FNBP1: variants seen among roughly 807,000 people sequenced by gnomAD.
FNBP1 encodes the protein formin-binding protein 1.
Under a neutral mutation model 90.6 loss-of-function variants are expected in FNBP1, and 26 were observed. The ratio of observed to expected loss-of-function variants is 0.29; its 90% CI spans 0.21 to 0.40. FNBP1 has a LOEUF of 0.40. Ranked by LOEUF, FNBP1 falls within the 10% of genes least tolerant of loss-of-function variation. The pLI is 1.00. For synonymous variants in FNBP1, 260 were observed against 265.2 expected, an observed-to-expected ratio of 0.98 and a Z score of 0.19; for missense variants, 635 against 768.0, an observed-to-expected ratio of 0.83 and a Z score of 2.05.
At position 129,978,579 on chromosome 9, in the gene FNBP1, C is replaced by T. The variant is rs774507596; in HGVS notation, c.231G>A (p.Leu77=). 6.2e-7 allele frequency: 1 copy of T among 1,613,766 alleles called. No individual in the cohort carries two copies. The highest frequency in any genetic ancestry group is 8.5e-7 in the Non-Finnish European group (1 of 1,179,846). Residue 77 remains leucine (L), a synonymous_variant, in exon 4 of 17, where the codon CTG becomes CTA. Coordinates refer to ENST00000446176, the MANE Select transcript of FNBP1 (RefSeq NM_015033.3). ...YTSCKAFISN[L]NEMNDYAGQH... The stretch of plus-strand genomic sequence containing the variant: ...GCCCTGCGTAATCATTCATTTCGTT[C>T]AGGTTGGAAATGAAAGCTTTACATG...
chr9:130,030,295 C>T (rs755983017), intron 1 of FNBP1, among the ~76,000 whole-genome samples: 12 of 151,772 alleles, frequency 7.9e-5, no homozygotes, highest in Admixed American at 3.3e-4. Flanking sequence ...ATTAGCTGGG[C>T]GTGGTGGGGC....
chr9:129,891,016 G>A (rs1445035393), intron 16 of FNBP1, among the ~76,000 whole-genome samples: 2 of 152,008 alleles, frequency 1.3e-5, no homozygotes, highest in Non-Finnish European at 2.9e-5. Context: ...TTAGCCTGGC[G>A]TGGTGGCAGG....
intron 16 of FNBP1, chr9:129,895,551 G>A (rs868450861): frequency 8.1e-7 from 1 of 1,231,430 alleles, no homozygotes. Context: ...ACCGCCAAAA[G>A]AAGAAATGTT....
intron 1 of FNBP1, among the ~76,000 whole-genome samples, chr9:130,011,808 G>A (rs1456821196): frequency 6.6e-6 from 1 of 152,150 alleles, no homozygotes; most frequent in African/African-American, 2.4e-5. Context: ...TCATGGATTG[G>A]AAGGCCATAT....
chr9:129,895,753 C>G (rs1254281091), intron 16 of FNBP1, 85 bp downstream of exon 16: 1 of 1,441,458 alleles, frequency 6.9e-7, no homozygotes, highest in African/African-American at 1.4e-5. Flanking sequence ...GAGGAACTGC[C>G]TGTAACAGTC....
chr9:129,915,815 A>G (rs1357753491), intron 11 of FNBP1, 151 bp downstream of exon 11: 2 of 601,966 alleles, frequency 3.3e-6, no homozygotes, highest in Admixed American at 3.2e-5. Flanking sequence ...GTATCCAAGA[A>G]GTCTAATAAG....
upstream of FNBP1, among the ~76,000 whole-genome samples, chr9:130,045,641 T>G (rs2132508261): frequency 6.6e-6 from 1 of 152,298 alleles, no homozygotes; most frequent in South Asian, 2.1e-4. Flanking sequence ...ACTCTATGGA[T>G]GTGAGTTAAT....
intron 1 of FNBP1, chr9:130,013,836 T>C: frequency 4.5e-6 from 2 of 439,890 alleles, no homozygotes; most frequent in Non-Finnish European, 9.1e-6. Flanking sequence ...AGTGGGCTTG[T>C]TACAAAAGGG....
chr9:130,014,900 G>A (rs1403889358), intron 1 of FNBP1, among the ~76,000 whole-genome samples: 2 of 150,876 alleles, frequency 1.3e-5, no homozygotes, highest in African/African-American at 4.9e-5. Flanking sequence ...TCAGAAAATG[G>A]GCATCATTTA....
At chr9:129,895,785 T>A in intron 16 of FNBP1, 53 bp downstream of exon 16, 3 of 1,477,260 alleles carry the variant, frequency 2.0e-6, no homozygotes, top group Non-Finnish European at 2.7e-6. Context: ...GAGAAACAAC[T>A]CCATTTTTTT....
intron 4 of FNBP1, among the ~76,000 whole-genome samples, chr9:129,975,603 A>T (rs977757682): frequency 3.3e-5 from 5 of 152,066 alleles, no homozygotes; most frequent in African/African-American, 1.2e-4. Context: ...CTTGACCATA[A>T]CACAGCAAAG....
chr9:129,941,437 GAAC>G (rs559416802), intron 6 of FNBP1, among the ~76,000 whole-genome samples: 33 of 152,164 alleles, frequency 2.2e-4, no homozygotes, highest in Middle Eastern at 3.4e-3. Context: ...AAATTCCCAA[GAAC>G]AACTGACAAT....
chr9:129,921,307 C>A (rs2041050062), intron 10 of FNBP1, among the ~76,000 whole-genome samples: 1 of 151,292 alleles, frequency 6.6e-6, no homozygotes, highest in African/African-American at 2.4e-5. Flanking sequence ...ACTCTGTTGC[C>A]CTGGCTGGGC....
chr9:129,925,237 T>C, intron 8 of FNBP1, 80 bp from the exon 9 acceptor site: 1 of 1,163,062 alleles, frequency 8.6e-7, no homozygotes, highest in Non-Finnish European at 1.3e-6. Context: ...CCAGGTGCGG[T>C]GGCTCATGCC....
rs60640596 is a variant in FNBP1 at position 129,958,985 on chromosome 9, C to CAAAAAAAA, written c.346-440_346-433dup. Among the ~76,000 whole-genome samples, 50 of 9,154 alleles carry CAAAAAAAA rather than the reference C, an allele frequency of 5.5e-3. 8 individuals are homozygous for CAAAAAAAA. The highest frequency in any genetic ancestry group is 0.022 in the South Asian group (2 of 90). The allele number at this position is 9,154 out of a possible 152,430, so 6.0% of individuals were successfully genotyped here. On this transcript the variant is annotated intron_variant, in intron 4 of 16. Coordinates refer to ENST00000446176, the MANE Select transcript of FNBP1 (RefSeq NM_015033.3). ...TGGATGACACAGTGAAACTCTGCCT[C>CAAAAAAAA]AAAAAAAAAAAAAAAAAAAAAAGGA... is the stretch of plus-strand genomic sequence containing the variant.
At chr9:129,953,347 C>T (rs527996259) in intron 6 of FNBP1, among the ~76,000 whole-genome samples, 23 of 152,026 alleles carry the variant, frequency 1.5e-4, no homozygotes, top group African/African-American at 3.4e-4. Context: ...AAAAATTATC[C>T]GGGCGTGGTG....
At chr9:129,961,607 G>A (rs549938500) in intron 4 of FNBP1, among the ~76,000 whole-genome samples, 1 of 152,118 alleles carries the variant, frequency 6.6e-6, no homozygotes, top group Admixed American at 6.6e-5. Flanking sequence ...TTGTTCCGTT[G>A]CCCAGGCTGG....
At position 129,978,465 on chromosome 9, in the gene FNBP1, T is replaced by C; in HGVS notation, c.345A>G (p.Ser115=). The C allele has an allele frequency of 1.9e-6, 3 of 1,613,074 alleles. No individual in the cohort carries two copies. The highest frequency in any genetic ancestry group is 2.5e-6 in the Non-Finnish European group (3 of 1,179,280). The part of the protein sequence containing the change: ...YVQELKQERK[S]NFHDGRKAQQ... ...AGAAAAAGAATAAAGTTTTGCTTAC[T>C]GATTTCCTCTCCTGTTTCAGTTCCT... The change falls in exon 4 of 17, where the codon TCA becomes TCG. Residue 115 remains serine, a splice_region_variant and synonymous_variant. Coordinates refer to ENST00000446176, the MANE Select transcript of FNBP1 (RefSeq NM_015033.3).
intron 1 of FNBP1, among the ~76,000 whole-genome samples, chr9:130,035,205 C>T (rs775390919): frequency 6.2e-4 from 95 of 152,272 alleles, no homozygotes; most frequent in Non-Finnish European, 1.1e-3. Context: ...CTTTAGGGTC[C>T]ACCTCATCTT....
Sources: allele counts gnomAD v4.1 joint callset (sites outside exome capture counted in the v4.1 genomes callset), GRCh38; gene constraint gnomAD v4.1.1; transcripts MANE v1.5; gene names NCBI Gene and HGNC (gene_info 2026-07-23, HGNC 2026-07-21).